The following BTK variants were observed in gnomAD, a reference collection of about 807,000 sequenced individuals.
BTK encodes the protein tyrosine-protein kinase BTK.
In BTK, 5 loss-of-function variants were observed where a neutral mutation model predicts 57.4. The ratio of observed to expected loss-of-function variants is 0.09; its 90% confidence interval spans 0.05 to 0.18. BTK has a LOEUF of 0.18. Ranked by LOEUF, BTK falls within the 10% of genes least tolerant of loss-of-function variation. The pLI, the probability that BTK is intolerant of heterozygous loss-of-function variation, is 1.00. For synonymous variants in BTK, 154 were observed against 174.3 expected (o/e 0.88, Z 0.92); for missense variants, 194 against 501.2 (o/e 0.39, Z 5.85).
At chrX:101,355,149 C>T (rs1226964783) in intron 15 of BTK, among the ~76,000 whole-genome samples, 2 of 111,720 alleles carry the variant, frequency 1.8e-5, no homozygotes, top group Non-Finnish European at 3.8e-5. Context: ...TGGTGTTGGG[C>T]GCCTGTGATC....
intron 18 of BTK, among the ~76,000 whole-genome samples, chrX:101,351,481 G>A (rs1926285100): frequency 9.0e-6 from 1 of 111,694 alleles, no homozygotes; most frequent in East Asian, 2.8e-4. Flanking sequence ...GAAAGAAGGA[G>A]TCCTCCCTTT....
chrX:101,357,154 G>A (rs1468093636), intron 13 of BTK, among the ~76,000 whole-genome samples, 199 bp from the exon 14 acceptor site: 1 of 111,851 alleles, frequency 8.9e-6, no homozygotes, highest in East Asian at 2.8e-4. Flanking sequence ...GTTCAAGGTG[G>A]CCATAAGGCA....
At chrX:101,362,417 C>T in intron 6 of BTK, 144 bp downstream of exon 6, 1 of 998,052 alleles carries the variant, frequency 1.0e-6, no homozygotes, top group Non-Finnish European at 1.4e-6. Flanking sequence ...TTTCAGCCCC[C>T]ATGTGCCTCC....
rs782575401 is a variant in BTK, at chrX:101,362,244, C to T, written c.521-4G>A. ...TGAGAACTCCCAGGTTTTAAGCCTGCAAAACAAGAAGCCAGTGATGATATG... is the reference window on the plus strand; with the variant it reads ...TGAGAACTCCCAGGTTTTAAGCCTGTAAAACAAGAAGCCAGTGATGATATG... On this transcript the variant is annotated splice_polypyrimidine_tract_variant and splice_region_variant and intron_variant, in intron 6 of 18. Coordinates refer to ENST00000308731, the MANE Select transcript of BTK (RefSeq NM_000061.3). 8.3e-7 allele frequency: 1 copy of T among 1,211,211 alleles called. No homozygotes were observed. The highest frequency in any genetic ancestry group is 1.1e-6 in the Non-Finnish European group (1 of 894,928).
chrX:101,373,483 T>C (rs1927104376), intron 3 of BTK, among the ~76,000 whole-genome samples: 1 of 111,884 alleles, frequency 8.9e-6, no homozygotes, highest in African/African-American at 3.2e-5. Context: ...TGGGGAAAAG[T>C]TTCCCACATA....
At position 101,350,424 on chromosome X, in the gene BTK, T is replaced by TTA. The variant is rs1555976845; in HGVS notation, c.1909-469_1909-468insTA. On this transcript the variant is annotated intron_variant, in intron 18 of 18. Transcript: ENST00000308731. ...ACCTTTTTTTTTTTTTTTTTTTTTTTACCACTGGTAACAAAAAGACTAAGG... is the reference window on the plus strand; with the variant it reads ...ACCTTTTTTTTTTTTTTTTTTTTTTTTAACCACTGGTAACAAAAAGACTAAGG... 1.2e-4 allele frequency among the ~76,000 whole-genome samples: 12 copies of TTA among 99,194 alleles called. No individual in the cohort carries two copies. In the South Asian group the frequency reaches 2.2e-3, roughly 18 times the overall value. The allele number at this position is 99,194 out of a possible 115,157, so 86.1% of individuals were successfully genotyped here.
At chrX:101,372,071 T>C (rs1927052279) in intron 3 of BTK, among the ~76,000 whole-genome samples, 1 of 111,788 alleles carries the variant, frequency 8.9e-6, no homozygotes, top group African/African-American at 3.3e-5. Context: ...AAACTATGAA[T>C]GACTGAGAGT....
In BTK at chrX:101,360,676, T is replaced by C. The variant is rs1926636215; in HGVS notation, c.668A>G (p.Tyr223Cys). The change falls in exon 8 of 19, where the codon TAT becomes TGT. Residue 223 changes from tyrosine to cysteine, a missense_variant. Physicochemically the swap from Tyr to Cys is radical, Grantham distance 194. Around this residue, in one of 3 missense-constraint regions of BTK, gnomAD observed 115 missense variants for 258.3 expected, o/e 0.45. Coordinates refer to ENST00000308731, the MANE Select transcript of BTK (RefSeq NM_000061.3). ...TSELKKVVAL[Y>C]DYMPMNANDL... ...ATTTGCATTCATTGGCATGTAATCA[T>C]AAAGGGCCACAACCTTTTTCAGCTC... The C allele has an allele frequency of 8.3e-7, 1 of 1,209,715 alleles. No homozygotes were observed. The highest frequency in any genetic ancestry group is 1.1e-6 in the Non-Finnish European group (1 of 895,162).
chrX:101,361,083 G>C (rs1371132891), intron 7 of BTK, among the ~76,000 whole-genome samples: 2 of 110,603 alleles, frequency 1.8e-5, no homozygotes, highest in African/African-American at 6.6e-5. Context: ...GGGCATGGTA[G>C]TGTGTGCATA....
In BTK at chrX:101,356,930, G is replaced by A. The variant is rs1464942648; in HGVS notation, c.1203C>T (p.Asp401=). ...TCCCCAGCTCCTTCAAGAAGGTCAG[G>A]TCCTTTGGATCAATTTCCCATGATC... The part of the protein sequence containing the change: ...GYGSWEIDPK[D]LTFLKELGTG... The change falls in exon 14 of 19, where the codon GAC becomes GAT. Residue 401 remains aspartate, a synonymous_variant. Transcript: ENST00000308731. 1 of 1,210,296 alleles carries A rather than the reference G, an allele frequency of 8.3e-7. No homozygotes were observed. The highest frequency in any genetic ancestry group is 1.1e-6 in the Non-Finnish European group (1 of 895,307).
intron 6 of BTK, 28 bp from the exon 7 acceptor site, chrX:101,362,268 T>C (rs1926697878): frequency 4.2e-6 from 5 of 1,199,594 alleles, no homozygotes; most frequent in South Asian, 1.8e-5. Context: ...AGTGATGATA[T>C]GGAATGCACT....
chrX:101,362,081 G>T, intron 7 of BTK, 92 bp downstream of exon 7: 1 of 926,143 alleles, frequency 1.1e-6, no homozygotes, highest in Non-Finnish European at 1.6e-6. Context: ...ACACTGCCAA[G>T]TCCCAGGGTA....
chrX:101,353,412 G>A (rs782700745), intron 17 of BTK, 61 bp from the exon 18 acceptor site: 78 of 1,080,703 alleles, frequency 7.2e-5, no homozygotes, highest in Non-Finnish European at 9.0e-5. Context: ...AGGGGTCCTA[G>A]TCTTCCTAGA....
At chrX:101,353,074 A>G in intron 18 of BTK, 120 bp downstream of exon 18, 1 of 732,832 alleles carries the variant, frequency 1.4e-6, no homozygotes, top group Non-Finnish European at 2.0e-6. Context: ...TCAAATTAAA[A>G]AAAAAAAAAA....
At chrX:101,357,068 A>C in intron 13 of BTK, 113 bp from the exon 14 acceptor site, 1 of 795,176 alleles carries the variant, frequency 1.3e-6, no homozygotes, top group Admixed American at 2.3e-5. Flanking sequence ...GGAAATTTTT[A>C]GAAGTACTAA....
intron 6 of BTK, 121 bp downstream of exon 6, chrX:101,362,440 G>A (rs1220911359): frequency 1.3e-5 from 14 of 1,097,165 alleles, no homozygotes; most frequent in Middle Eastern, 2.9e-4. Flanking sequence ...CCTCCCCCAG[G>A]ACCCTTTGTT....
chrX:101,375,407 A>T (rs1927178078), intron 1 of BTK, 93 bp from the exon 2 acceptor site: 2 of 870,319 alleles, frequency 2.3e-6, no homozygotes, highest in Admixed American at 2.3e-5. Flanking sequence ...CAAATGGAAC[A>T]AAAATGTGCA....
intron 2 of BTK, 108 bp from the exon 3 acceptor site, chrX:101,374,742 A>C (rs782769846): frequency 1.4e-6 from 1 of 695,734 alleles, no homozygotes; most frequent in Non-Finnish European, 2.3e-6. Context: ...TGGCACCAGG[A>C]CCTGTCATGT....
chrX:101,366,262 ACTCT>A (rs1373589803), intron 5 of BTK, among the ~76,000 whole-genome samples: 23 of 110,452 alleles, frequency 2.1e-4, no homozygotes, highest in Middle Eastern at 4.7e-3. Flanking sequence ...ATAGAGCAAG[ACTCT>A]CTCTCTCAAA....
Sources: gnomAD v4.1 joint callset for allele counts (sites outside exome capture counted in the v4.1 genomes callset) on GRCh38, gnomAD v4.1.1 for gene constraint, gnomAD v4.1.1 regional missense constraint, MANE v1.5 for transcripts, NCBI Gene and HGNC (gene_info 2026-07-23, HGNC 2026-07-21) for gene names.